KLF8: variants seen among roughly 807,000 people sequenced by gnomAD.
The protein encoded by KLF8 is Krueppel-like factor 8.
Under a neutral mutation model 18.2 loss-of-function variants are expected in KLF8, and 10 were observed. The ratio of observed to expected loss-of-function variants is 0.55; its 90% CI spans 0.34 to 0.93. The LOEUF is 0.93. KLF8 is among the 40% of genes least tolerant of loss of function. KLF8 has a pLI of 0.02. For missense variants in KLF8, 264 were observed against 277.9 expected (o/e 0.95, Z 0.36); for synonymous variants, 109 against 97.3 (o/e 1.12, Z -0.71).
intron 1 of KLF8, among the ~76,000 whole-genome samples, chrX:56,237,325 T>C (rs1602407012): frequency 9.1e-6 from 1 of 109,742 alleles, no homozygotes; most frequent in Non-Finnish European, 1.9e-5. Flanking sequence ...TTTCATGCCT[T>C]CTTCTAAGTG....
At chrX:56,145,191 T>A in the KLF8 span, among the ~76,000 whole-genome samples, 2 of 111,783 alleles carry the variant, frequency 1.8e-5, no homozygotes, top group Non-Finnish European at 3.8e-5. Context: ...TCCAAAGATA[T>A]GCAAATGGCC....
chrX:56,247,792 C>T (rs2066644596), intron 1 of KLF8, among the ~76,000 whole-genome samples: 1 of 110,901 alleles, frequency 9.0e-6, no homozygotes, highest in African/African-American at 3.3e-5. Context: ...TCTGGGATAC[C>T]TCCTGAAAGA....
At chrX:56,206,392 A>G in the KLF8 span, among the ~76,000 whole-genome samples, 19 of 112,182 alleles carry the variant, frequency 1.7e-4, no homozygotes, top group African/African-American at 5.8e-4. Context: ...TGTAAAATCA[A>G]AAGCTAGTTA....
the KLF8 span, among the ~76,000 whole-genome samples, chrX:56,173,097 A>C: frequency 9.0e-6 from 1 of 111,320 alleles, no homozygotes; most frequent in Non-Finnish European, 1.9e-5. Context: ...GAAGCTCTTG[A>C]GTTTAATTAG....
At chrX:55,908,224 A>G in the KLF8 span, 1 of 232,247 alleles carries the variant, frequency 4.3e-6, no homozygotes, top group African/African-American at 2.8e-5. Flanking sequence ...TTCAAGCTCC[A>G]GGACAAAGGG....
the KLF8 span, among the ~76,000 whole-genome samples, chrX:56,076,979 G>C: frequency 9.0e-6 from 1 of 111,460 alleles, no homozygotes. Context: ...CCCACTTTTT[G>C]ACGGGGTTGT....
the KLF8 span, among the ~76,000 whole-genome samples, chrX:55,974,841 G>T: frequency 8.9e-6 from 1 of 112,145 alleles, no homozygotes; most frequent in East Asian, 2.8e-4. Context: ...CCTTTGGGTA[G>T]TGTGAACATT....
Position 56,241,198 on chromosome X carries a change from C to T in KLF8, c.7+7857C>T, listed in dbSNP as rs1041628807. On this transcript the variant is annotated intron_variant, in intron 1 of 5. Coordinates refer to ENST00000468660, the MANE Select transcript of KLF8 (RefSeq NM_007250.5). The stretch of plus-strand genomic sequence containing the variant: ...ATAATTTTTTTTTGAGATGGAGCCT[C>T]GCTCTTTCATGCAGAGTGGAGTGCA... 4.5e-5 allele frequency among the ~76,000 whole-genome samples: 5 copies of T among 111,208 alleles called. 1 individual carries two copies. The highest frequency in any genetic ancestry group is 5.6e-4 in the East Asian group (2 of 3,554).
At chrX:56,241,864 A>C (rs1444698327) in intron 1 of KLF8, among the ~76,000 whole-genome samples, 1 of 112,401 alleles carries the variant, frequency 8.9e-6, no homozygotes, top group Non-Finnish European at 1.9e-5. Flanking sequence ...ATTCAAGGCA[A>C]GGGGACTGGT....
the KLF8 span, among the ~76,000 whole-genome samples, chrX:56,083,545 C>T: frequency 8.9e-6 from 1 of 111,880 alleles, no homozygotes; most frequent in African/African-American, 3.2e-5. Flanking sequence ...TTTCAGTGCT[C>T]ACTAAAAGAA....
the KLF8 span, among the ~76,000 whole-genome samples, chrX:55,984,807 C>T: frequency 1.6e-4 from 18 of 110,275 alleles, 2 homozygotes; most frequent in South Asian, 6.3e-3. Flanking sequence ...GACTTTTAAT[C>T]GCCATTCTGA....
chrX:56,034,907 T>C, the KLF8 span, among the ~76,000 whole-genome samples: 3 of 105,583 alleles, frequency 2.8e-5, no homozygotes, highest in Non-Finnish European at 5.9e-5. Flanking sequence ...AGGCGCCCGC[T>C]ACCACGCCCG....
chrX:56,236,962 G>GATATATAT lies in KLF8; in HGVS notation c.7+3636_7+3643dup, dbSNP rs3052513. On this transcript the variant is annotated intron_variant, in intron 1 of 5. Transcript: ENST00000468660. ...TTGGTTTTCTATAGATAGATAGATG[G>GATATATAT]ATATATATATATATATATATATGGT... 2.6e-3 allele frequency among the ~76,000 whole-genome samples: 244 copies of GATATATAT among 93,298 alleles called. 3 individuals are homozygous for GATATATAT. The highest frequency in any genetic ancestry group is 8.4e-3 in the African/African-American group (210 of 25,114). The allele number at this position is 93,298 out of a possible 115,157, so 81.0% of individuals were successfully genotyped here.
chrX:55,992,435 C>G, the KLF8 span, among the ~76,000 whole-genome samples: 1 of 111,948 alleles, frequency 8.9e-6, no homozygotes, highest in Non-Finnish European at 1.9e-5. Flanking sequence ...TCTGGGCTCT[C>G]TAACCTGTTC....
chrX:56,046,091 C>A, the KLF8 span, among the ~76,000 whole-genome samples: 1 of 111,145 alleles, frequency 9.0e-6, no homozygotes, highest in Non-Finnish European at 1.9e-5. Flanking sequence ...TTTTCTGCAT[C>A]TTTTGAGATG....
the KLF8 span, among the ~76,000 whole-genome samples, chrX:56,140,530 CTTTTA>C: frequency 4.5e-5 from 5 of 110,852 alleles, no homozygotes; most frequent in Admixed American, 3.9e-4. Context: ...AATGCATATT[CTTTTA>C]TAAGTGACAG....
chrX:56,023,574 T>C, the KLF8 span, among the ~76,000 whole-genome samples: 3 of 111,587 alleles, frequency 2.7e-5, no homozygotes, highest in South Asian at 3.8e-4. Flanking sequence ...TGAATCAAGA[T>C]GATATGATAA....
At chrX:55,993,959 G>T in the KLF8 span, among the ~76,000 whole-genome samples, 3 of 104,022 alleles carry the variant, frequency 2.9e-5, no homozygotes, top group Non-Finnish European at 5.9e-5. Flanking sequence ...TGCCCAGGCT[G>T]GAGTGCAGTG....
At chrX:56,167,723 A>G in the KLF8 span, among the ~76,000 whole-genome samples, 2 of 111,922 alleles carry the variant, frequency 1.8e-5, no homozygotes, top group Non-Finnish European at 3.8e-5. Flanking sequence ...AACATTTGCT[A>G]TGTATATTTA....
Sources: allele counts gnomAD v4.1 joint callset (sites outside exome capture counted in the v4.1 genomes callset), GRCh38; gene constraint gnomAD v4.1.1; transcripts MANE v1.5; gene names NCBI Gene and HGNC (gene_info 2026-07-23, HGNC 2026-07-21).